MDGA2: variants seen among roughly 807,000 people sequenced by gnomAD.
MDGA2 encodes MAM domain containing glycosylphosphatidylinositol anchor 2.
In MDGA2, 40 loss-of-function variants were observed where a neutral mutation model predicts 117.8. The ratio of observed to expected loss-of-function variants is 0.34; its 90% CI spans 0.26 to 0.44. MDGA2 has a LOEUF of 0.44. Among genes scored for constraint, MDGA2 ranks in the 20% least tolerant of loss-of-function variants. MDGA2 has a pLI of 1.00. For synonymous variants in MDGA2, 452 were observed against 439.0 expected (o/e 1.03, Z -0.37); for missense variants, 1,123 against 1,250.6 (o/e 0.90, Z 1.54).
chr14:47,265,919 C>A (rs754197217), intron 2 of MDGA2, among the ~76,000 whole-genome samples: 1 of 152,084 alleles, frequency 6.6e-6, no homozygotes, highest in African/African-American at 2.4e-5. Context: ...ATAAGATATA[C>A]AGAAATCATA....
At chr14:46,995,208 A>C (rs1056011210) in intron 8 of MDGA2, among the ~76,000 whole-genome samples, 3 of 152,194 alleles carry the variant, frequency 2.0e-5, no homozygotes, top group Admixed American at 6.5e-5. Flanking sequence ...TTGTTATACT[A>C]AATTACTATT....
intron 5 of MDGA2, among the ~76,000 whole-genome samples, chr14:47,123,780 T>C (rs1423492699): frequency 1.3e-5 from 2 of 152,064 alleles, no homozygotes; most frequent in Non-Finnish European, 2.9e-5. Context: ...TCATCCATGA[T>C]TGAAGCTATA....
At chr14:47,558,063 T>C (rs750457949) in intron 1 of MDGA2, among the ~76,000 whole-genome samples, 17 of 152,190 alleles carry the variant, frequency 1.1e-4, no homozygotes, top group Non-Finnish European at 2.2e-4. Flanking sequence ...TCCTGTGGAA[T>C]AGTCGACAGT....
In MDGA2 at chr14:47,258,812, AT is replaced by A. The variant is rs558662579; in HGVS notation, c.421-40618del. Among the ~76,000 whole-genome samples the A allele has an allele frequency of 1.0e-4, 15 of 150,500 alleles. 1 individual carries two copies. The highest frequency in any genetic ancestry group is 6.3e-4 in the South Asian group (3 of 4,734). Reference sequence around the variant, plus strand: ...GAACAGAGGGTTCAGTATGCTGCTTATTTTTTTTTCATTTTTCTAATTAAGA... The same window carrying A: ...GAACAGAGGGTTCAGTATGCTGCTTATTTTTTTTCATTTTTCTAATTAAGA... On this transcript the variant is annotated intron_variant, in intron 2 of 16. Coordinates refer to ENST00000399232, the MANE Select transcript of MDGA2 (RefSeq NM_001113498.3).
chr14:47,387,279 A>G (rs546349348), intron 1 of MDGA2, among the ~76,000 whole-genome samples: 2 of 152,154 alleles, frequency 1.3e-5, no homozygotes, highest in Admixed American at 1.3e-4. Flanking sequence ...CAAACAGTAA[A>G]GTGGGTTACT....
intron 5 of MDGA2, among the ~76,000 whole-genome samples, chr14:47,120,565 G>GA (rs1484575127): frequency 4.0e-5 from 6 of 151,888 alleles, no homozygotes; most frequent in African/African-American, 1.5e-4. Context: ...TTGTTATCAA[G>GA]AAAAAAATAA....
At chr14:47,292,272 G>A (rs541810905) in intron 2 of MDGA2, among the ~76,000 whole-genome samples, 12 of 152,192 alleles carry the variant, frequency 7.9e-5, no homozygotes, top group Non-Finnish European at 1.8e-4. Flanking sequence ...TTCATACATC[G>A]GTTTGGGAAG....
chr14:47,654,683 T>C (rs988073770), intron 1 of MDGA2, among the ~76,000 whole-genome samples: 1 of 152,026 alleles, frequency 6.6e-6, no homozygotes, highest in Non-Finnish European at 1.5e-5. Flanking sequence ...TATTTCCCCT[T>C]AGAATATATC....
intron 1 of MDGA2, among the ~76,000 whole-genome samples, chr14:47,645,642 CATT>C (rs1341401475): frequency 3.9e-5 from 6 of 151,968 alleles, no homozygotes; most frequent in South Asian, 2.1e-4. Context: ...CAGACTGTTT[CATT>C]ATTATACATT....
At chr14:47,119,190 C>CCCCG (rs1555355042) in intron 5 of MDGA2, among the ~76,000 whole-genome samples, 1 of 74,642 alleles carries the variant, frequency 1.3e-5, no homozygotes, top group Non-Finnish European at 3.0e-5. Context: ...CCCCCCCCAC[C>CCCCG]CCGTAGCTGG....
chr14:47,477,212 T>G (rs189912877), intron 1 of MDGA2, among the ~76,000 whole-genome samples: 249 of 152,260 alleles, frequency 1.6e-3, no homozygotes, highest in African/African-American at 5.6e-3. Context: ...TTATATTAAA[T>G]GAAATAATTC....
At chr14:47,170,408 T>C (rs1244396974) in intron 3 of MDGA2, among the ~76,000 whole-genome samples, 1 of 152,188 alleles carries the variant, frequency 6.6e-6, no homozygotes, top group Non-Finnish European at 1.5e-5. Flanking sequence ...TCTGAAACTG[T>C]ACAGGCATTT....
At chr14:47,599,604 T>G (rs2138875900) in intron 1 of MDGA2, among the ~76,000 whole-genome samples, 1 of 152,294 alleles carries the variant, frequency 6.6e-6, no homozygotes, top group Admixed American at 6.5e-5. Context: ...TTGACAACAT[T>G]TCCTGCATAC....
intron 2 of MDGA2, among the ~76,000 whole-genome samples, chr14:47,254,414 C>A (rs1887550947): frequency 6.6e-6 from 1 of 152,160 alleles, no homozygotes; most frequent in Admixed American, 6.5e-5. Context: ...ATCTCTAGGG[C>A]AGGAGCAAAA....
intron 1 of MDGA2, among the ~76,000 whole-genome samples, chr14:47,338,470 G>T (rs973342623): frequency 1.3e-5 from 2 of 151,712 alleles, no homozygotes; most frequent in Admixed American, 6.6e-5. Context: ...ATTTTTGAGA[G>T]ACATGAATAT....
chr14:47,119,173 CG>C (rs374658686), intron 5 of MDGA2, among the ~76,000 whole-genome samples: 32,040 of 50,852 alleles, frequency 0.63, 11,915 homozygotes, highest in East Asian at 0.85. Context: ...GCCTCAGCCC[CG>C]CCCCCCCCCC....
chr14:47,036,816 G>C lies in MDGA2; in HGVS notation c.1526-1512C>G, dbSNP rs1416286568. On this transcript the variant is annotated intron_variant, in intron 7 of 16. Coordinates refer to ENST00000399232, the MANE Select transcript of MDGA2 (RefSeq NM_001113498.3). Reference sequence around the variant, plus strand: ...AGAGACAAATAAATTCAAGTTCAAAGTGATATGACAATTATCTTCCTATTC... The same window carrying C: ...AGAGACAAATAAATTCAAGTTCAAACTGATATGACAATTATCTTCCTATTC... 2.0e-5 allele frequency among the ~76,000 whole-genome samples: 3 copies of C among 152,188 alleles called. No homozygotes were observed. In the South Asian group the frequency reaches 6.2e-4, roughly 31 times the overall value.
intron 5 of MDGA2, among the ~76,000 whole-genome samples, chr14:47,105,810 C>T (rs1486234129): frequency 6.6e-6 from 1 of 151,786 alleles, no homozygotes; most frequent in African/African-American, 2.4e-5. Context: ...TCTAATCTTC[C>T]TTTTCTACAG....
At chr14:47,563,186 G>A (rs1017212849) in intron 1 of MDGA2, among the ~76,000 whole-genome samples, 2 of 152,128 alleles carry the variant, frequency 1.3e-5, no homozygotes, top group Non-Finnish European at 2.9e-5. Context: ...TATGTGTTAT[G>A]TGCAGATAAG....
Sources: allele counts gnomAD v4.1 joint callset (sites outside exome capture counted in the v4.1 genomes callset), GRCh38; gene constraint gnomAD v4.1.1; transcripts MANE v1.5; gene names NCBI Gene and HGNC (gene_info 2026-07-23, HGNC 2026-07-21).